RBFOX1: variants seen among roughly 807,000 people sequenced by gnomAD.
RBFOX1 encodes the protein RNA binding protein fox-1 homolog 1.
Under a neutral mutation model 57.7 loss-of-function variants are expected in RBFOX1, and 8 were observed. The observed-to-expected ratio is 0.14, with a 90% CI of 0.08 to 0.25. RBFOX1 has a LOEUF of 0.25. Among genes scored for constraint, RBFOX1 ranks in the 10% least tolerant of loss-of-function variants. The pLI is 1.00. For missense variants in RBFOX1, 611 were observed against 548.5 expected (o/e 1.11, Z -1.14); for synonymous variants, 326 against 222.4 (o/e 1.47, Z -4.15).
At chr16:5,710,843 C>T (rs185041853) in intron 3 of RBFOX1, among the ~76,000 whole-genome samples, 3 of 152,268 alleles carry the variant, frequency 2.0e-5, no homozygotes, top group East Asian at 1.9e-4. Flanking sequence ...GCTGTTGTGG[C>T]TCTGCAAGAC....
chr16:5,940,526 A>G (rs2059258133), intron 4 of RBFOX1, among the ~76,000 whole-genome samples: 1 of 152,196 alleles, frequency 6.6e-6, no homozygotes, highest in Non-Finnish European at 1.5e-5. Context: ...AGATCCTCAC[A>G]GGGAGGTTTG....
In RBFOX1 at chr16:7,579,662, C is replaced by T. The variant is rs1305766504; in HGVS notation, c.271-115C>T. 4.6e-6 allele frequency: 6 copies of T among 1,313,490 alleles called. No individual in the cohort carries two copies. The African/African-American group carries it at 7.4e-5, about 16-fold the overall frequency. 81.4% of individuals were successfully genotyped at this position (1,313,490 alleles called of 1,614,324 possible). Reference sequence around the variant, plus strand: ...CATGCATGCGTCAGCATTTTCTTCCCTTCTCAGATTGCTTAGTTCTGATCT... The same window carrying T: ...CATGCATGCGTCAGCATTTTCTTCCTTTCTCAGATTGCTTAGTTCTGATCT... On this transcript the variant is annotated intron_variant, in intron 5 of 15. Transcript: ENST00000550418.
chr16:6,769,248 C>G (rs185283637), intron 3 of RBFOX1, among the ~76,000 whole-genome samples: 5 of 152,160 alleles, frequency 3.3e-5, no homozygotes, highest in African/African-American at 1.2e-4. Flanking sequence ...TCTTTGCCTG[C>G]TGCCATCGAT....
chr16:7,290,271 G>T (rs184651838), intron 4 of RBFOX1, among the ~76,000 whole-genome samples: 3 of 152,186 alleles, frequency 2.0e-5, no homozygotes, highest in Admixed American at 1.3e-4. Context: ...TTGGGAGTAT[G>T]GATAGATAAT....
At chr16:6,371,461 C>T (rs2090422919) in intron 2 of RBFOX1, among the ~76,000 whole-genome samples, 1 of 152,056 alleles carries the variant, frequency 6.6e-6, no homozygotes, top group Non-Finnish European at 1.5e-5. Context: ...TGTTTTGATG[C>T]TCAAGTTGTA....
intron 2 of RBFOX1, among the ~76,000 whole-genome samples, chr16:6,553,488 C>T (rs1425473831): frequency 1.3e-5 from 2 of 152,098 alleles, no homozygotes; most frequent in African/African-American, 4.8e-5. Flanking sequence ...AAATTGATGC[C>T]ACCTACACCA....
chr16:7,199,937 A>T (rs1430046057), intron 4 of RBFOX1, among the ~76,000 whole-genome samples: 1 of 152,016 alleles, frequency 6.6e-6, no homozygotes, highest in Non-Finnish European at 1.5e-5. Flanking sequence ...CAACAAAGAA[A>T]TTAGACAAAA....
intron 4 of RBFOX1, among the ~76,000 whole-genome samples, chr16:7,383,019 C>G (rs191058261): frequency 6.6e-6 from 1 of 151,798 alleles, no homozygotes; most frequent in Non-Finnish European, 1.5e-5. Context: ...GTAAGCAAGG[C>G]CAGAAAATGC....
At chr16:6,116,832 T>C (rs2096500731) in intron 1 of RBFOX1, among the ~76,000 whole-genome samples, 2 of 151,230 alleles carry the variant, frequency 1.3e-5, no homozygotes, top group Admixed American at 1.3e-4. Flanking sequence ...TGAGATGAAA[T>C]TGGGAGACAG....
intron 4 of RBFOX1, among the ~76,000 whole-genome samples, chr16:5,999,898 AAAAAAAAAAG>A (rs1333481107): frequency 8.3e-4 from 48 of 57,668 alleles, no homozygotes; most frequent in African/African-American, 2.7e-3. Context: ...AAAAAAAAAA[AAAAAAAAAAG>A]AGTGAAGAAG....
intron 3 of RBFOX1, among the ~76,000 whole-genome samples, chr16:6,744,384 T>C (rs2073066906): frequency 6.6e-6 from 1 of 152,094 alleles, no homozygotes; most frequent in Non-Finnish European, 1.5e-5. Context: ...TATCCTAAAA[T>C]AGCAGGATAC....
chr16:6,288,052 T>G (rs535846947), intron 1 of RBFOX1, among the ~76,000 whole-genome samples: 3 of 152,214 alleles, frequency 2.0e-5, no homozygotes, highest in Non-Finnish European at 4.4e-5. Flanking sequence ...TCTGCTAACA[T>G]GGCTCACATG....
intron 2 of RBFOX1, among the ~76,000 whole-genome samples, chr16:6,335,791 G>GAAAAAAAAAA (rs1251093700): frequency 8.4e-6 from 1 of 118,972 alleles, no homozygotes; most frequent in Non-Finnish European, 1.7e-5. Context: ...AAAAAAAAAA[G>GAAAAAAAAAA]AAAAAAAAAA....
chr16:6,104,553 C>G (rs546316698), intron 1 of RBFOX1, among the ~76,000 whole-genome samples: 1 of 152,104 alleles, frequency 6.6e-6, no homozygotes, highest in African/African-American at 2.4e-5. Context: ...GCCTCCAAGC[C>G]CATCTTGCAG....
chr16:6,379,434 G>T (rs1305521466), intron 2 of RBFOX1, among the ~76,000 whole-genome samples: 1 of 151,880 alleles, frequency 6.6e-6, no homozygotes, highest in Non-Finnish European at 1.5e-5. Flanking sequence ...ACTTTCACTT[G>T]TCTCAGTGAA....
At chr16:5,862,258 G>T (rs1229937134) in intron 3 of RBFOX1, among the ~76,000 whole-genome samples, 1 of 152,156 alleles carries the variant, frequency 6.6e-6, no homozygotes, top group Admixed American at 6.5e-5. Context: ...GTGTTTACCT[G>T]GAATGCCAGT....
At chr16:6,407,384 C>T (rs1159189918) in intron 2 of RBFOX1, among the ~76,000 whole-genome samples, 3 of 151,806 alleles carry the variant, frequency 2.0e-5, no homozygotes, top group Non-Finnish European at 4.4e-5. Context: ...TTTACCTATA[C>T]CTATATGTAT....
At chr16:6,160,791 G>GC (rs1321167165) in intron 1 of RBFOX1, among the ~76,000 whole-genome samples, 2 of 152,116 alleles carry the variant, frequency 1.3e-5, no homozygotes, top group African/African-American at 4.8e-5. Flanking sequence ...TTGGGCCTTT[G>GC]CACTTGCTGA....
chr16:6,682,391 T>C (rs1184122613), intron 3 of RBFOX1, among the ~76,000 whole-genome samples: 1 of 151,696 alleles, frequency 6.6e-6, no homozygotes, highest in East Asian at 2.0e-4. Context: ...TTGCCCCTTC[T>C]TGGGGAAATT....
Sources: gnomAD v4.1 joint callset for allele counts (sites outside exome capture counted in the v4.1 genomes callset) on GRCh38, gnomAD v4.1.1 for gene constraint, MANE v1.5 for transcripts, NCBI Gene and HGNC (gene_info 2026-07-23, HGNC 2026-07-21) for gene names.